Variants in MACROD2 observed in about 807,000 individuals in gnomAD.
MACROD2 encodes the protein ADP-ribose glycohydrolase MACROD2.
Under a neutral mutation model 70.4 loss-of-function variants are expected in MACROD2, and 36 were observed. That is an observed-to-expected ratio of 0.51 (90% CI 0.39 to 0.68). MACROD2 has a LOEUF of 0.68. Ranked by LOEUF, MACROD2 falls within the 30% of genes least tolerant of loss-of-function variation. The pLI is 0.00. For synonymous variants in MACROD2, 172 were observed against 178.8 expected (o/e 0.96, Z 0.30); for missense variants, 496 against 538.4 (o/e 0.92, Z 0.78).
chr20:15,582,564 G>A (rs1302120674), intron 8 of MACROD2, among the ~76,000 whole-genome samples: 1 of 152,206 alleles, frequency 6.6e-6, no homozygotes, highest in Non-Finnish European at 1.5e-5. Context: ...TGTGCAATTA[G>A]TCACGTGGTG....
At chr20:14,802,896 G>A (rs180847100) in intron 5 of MACROD2, among the ~76,000 whole-genome samples, 1 of 151,830 alleles carries the variant, frequency 6.6e-6, no homozygotes, top group Admixed American at 6.6e-5. Flanking sequence ...TTTAATGATA[G>A]TATTAGAGAT....
intron 5 of MACROD2, among the ~76,000 whole-genome samples, chr20:15,154,459 A>G (rs1263677518): frequency 6.6e-6 from 1 of 152,226 alleles, no homozygotes; most frequent in Non-Finnish European, 1.5e-5. Context: ...TTAAAGACAG[A>G]GTTAGCTATG....
At chr20:14,709,339 CT>C (rs1196386094) in intron 5 of MACROD2, among the ~76,000 whole-genome samples, 1 of 151,984 alleles carries the variant, frequency 6.6e-6, no homozygotes, top group East Asian at 1.9e-4. Flanking sequence ...GGCACGAAGT[CT>C]GTGGCTTGTG....
chr20:14,794,549 G>A lies in MACROD2; in HGVS notation c.418+109590G>A, dbSNP rs961026540. 7.2e-5 allele frequency among the ~76,000 whole-genome samples: 11 copies of A among 151,772 alleles called. No homozygotes were observed. The East Asian group carries it at 7.7e-4, about 11-fold the overall frequency. On this transcript the variant is annotated intron_variant, in intron 5 of 17. Coordinates refer to ENST00000684519, the MANE Select transcript of MACROD2 (RefSeq NM_001351661.2). ...AAATTTAAAATAAGAGATATTTCTC[G>A]TTTTTTTTCTGGTTTCAACTGAAAT...
chr20:14,281,711 C>G (rs1489783861), intron 3 of MACROD2, among the ~76,000 whole-genome samples: 1 of 151,708 alleles, frequency 6.6e-6, no homozygotes, highest in East Asian at 1.9e-4. Flanking sequence ...ACAAGGCGGG[C>G]GGATCACAAG....
intron 5 of MACROD2, among the ~76,000 whole-genome samples, chr20:14,715,253 G>A (rs555255048): frequency 2.0e-5 from 3 of 152,178 alleles, no homozygotes; most frequent in Admixed American, 6.5e-5. Flanking sequence ...ATAATAGCAT[G>A]CAGAAAACTG....
At chr20:15,721,511 T>A (rs2050786466) in intron 8 of MACROD2, among the ~76,000 whole-genome samples, 1 of 152,212 alleles carries the variant, frequency 6.6e-6, no homozygotes. Flanking sequence ...TGTAGACAAC[T>A]CATAAAATAC....
intron 8 of MACROD2, among the ~76,000 whole-genome samples, chr20:15,756,044 T>C (rs561547004): frequency 6.6e-6 from 1 of 152,328 alleles, no homozygotes; most frequent in East Asian, 1.9e-4. Flanking sequence ...GGAGCCATCC[T>C]GGTTATGCCA....
chr20:14,478,424 T>C (rs1394749466), intron 3 of MACROD2, among the ~76,000 whole-genome samples: 2 of 152,232 alleles, frequency 1.3e-5, no homozygotes, highest in Non-Finnish European at 2.9e-5. Flanking sequence ...TTGGTGTTCC[T>C]TTATAGGAAA....
intron 15 of MACROD2, among the ~76,000 whole-genome samples, chr20:16,022,801 G>A (rs1785385301): frequency 6.6e-6 from 1 of 152,184 alleles, no homozygotes; most frequent in African/African-American, 2.4e-5. Context: ...AACGATTTCA[G>A]AGCTATATTA....
At chr20:15,973,269 G>A (rs2066257754) in intron 13 of MACROD2, among the ~76,000 whole-genome samples, 1 of 146,182 alleles carries the variant, frequency 6.8e-6, no homozygotes, top group African/African-American at 2.7e-5. Context: ...AAGAGGAAAT[G>A]AGGAAGGGAA....
intron 4 of MACROD2, among the ~76,000 whole-genome samples, chr20:14,679,916 A>G (rs912161760): frequency 6.6e-6 from 1 of 152,200 alleles, no homozygotes; most frequent in African/African-American, 2.4e-5. Flanking sequence ...GAAATTGTTT[A>G]TTGGCACTAG....
At chr20:15,828,882 T>A (rs1345715624) in intron 8 of MACROD2, among the ~76,000 whole-genome samples, 1 of 152,248 alleles carries the variant, frequency 6.6e-6, no homozygotes, top group Non-Finnish European at 1.5e-5. Context: ...TCTCAGGACA[T>A]CCTTTAAGTT....
intron 5 of MACROD2, among the ~76,000 whole-genome samples, chr20:15,016,032 A>C (rs1264874800): frequency 6.6e-6 from 1 of 152,136 alleles, no homozygotes; most frequent in East Asian, 1.9e-4. Flanking sequence ...ACATAAGTAC[A>C]CTGAATTCTC....
chr20:15,015,024 G>A (rs1488069653), intron 5 of MACROD2, among the ~76,000 whole-genome samples: 2 of 152,074 alleles, frequency 1.3e-5, no homozygotes, highest in African/African-American at 2.4e-5. Context: ...CATACGGCAT[G>A]TTGCATTGCT....
chr20:15,060,199 A>G (rs890342665), intron 5 of MACROD2, among the ~76,000 whole-genome samples: 2 of 152,206 alleles, frequency 1.3e-5, no homozygotes, highest in Admixed American at 6.5e-5. Context: ...CTGGAATTCC[A>G]TTTCCAAGAA....
chr20:14,473,385 A>T (rs2084552587), intron 3 of MACROD2, among the ~76,000 whole-genome samples: 1 of 152,160 alleles, frequency 6.6e-6, no homozygotes, highest in Non-Finnish European at 1.5e-5. Context: ...GATTTCACAT[A>T]TACGTGAGGT....
chr20:14,973,308 T>G (rs1330908721), intron 5 of MACROD2, among the ~76,000 whole-genome samples: 2 of 146,936 alleles, frequency 1.4e-5, no homozygotes, highest in African/African-American at 5.0e-5. Flanking sequence ...CTTGGTTCAC[T>G]GCAACCTGGG....
chr20:15,526,683 C>T (rs1411534224), intron 8 of MACROD2, among the ~76,000 whole-genome samples: 1 of 152,138 alleles, frequency 6.6e-6, no homozygotes, highest in Non-Finnish European at 1.5e-5. Context: ...CTTGATTTAG[C>T]CAGCAACACA....
Sources: allele counts gnomAD v4.1 joint callset (sites outside exome capture counted in the v4.1 genomes callset), GRCh38; gene constraint gnomAD v4.1.1; transcripts MANE v1.5; gene names NCBI Gene and HGNC (gene_info 2026-07-23, HGNC 2026-07-21).